The following ASPHD2 variants were observed in gnomAD, a reference collection of about 807,000 sequenced individuals.
ASPHD2 encodes aspartate beta-hydroxylase domain-containing protein 2.
Under a neutral mutation model 34.6 loss-of-function variants are expected in ASPHD2, and 12 were observed. The observed-to-expected ratio is 0.35, with a 90% CI of 0.22 to 0.56. ASPHD2 has a LOEUF of 0.56. ASPHD2 is among the 20% of genes least tolerant of loss of function. ASPHD2 has a pLI of 0.87. For missense variants in ASPHD2, 375 were observed against 505.0 expected (o/e 0.74, Z 2.47); for synonymous variants, 224 against 212.2 (o/e 1.06, Z -0.48).
At chr22:26,435,794 T>G (rs2084788995) in intron 2 of ASPHD2, among the ~76,000 whole-genome samples, 1 of 151,754 alleles carries the variant, frequency 6.6e-6, no homozygotes, top group African/African-American at 2.4e-5. Context: ...ATTGACATGG[T>G]AGGAATTTCA....
rs1278800756 is a variant in ASPHD2 at position 26,433,194 on chromosome 22, T to C, written c.-224-198T>C. Among the ~76,000 whole-genome samples, 1 of 152,160 alleles carries C rather than the reference T, an allele frequency of 6.6e-6. No homozygotes were observed. The highest frequency in any genetic ancestry group is 1.9e-4 in the East Asian group (1 of 5,188). ...AAAGCAGATGGGACCACTGTAATTA[T>C]AAGCAGTACCTGATGCAGATGAAAT... On this transcript the variant is annotated intron_variant, in intron 1 of 3. Coordinates refer to ENST00000215906, the MANE Select transcript of ASPHD2 (RefSeq NM_020437.5). The surrounding 1 kb of genome is among the most constrained non-coding windows in gnomAD (Gnocchi z 5.1).
At chr22:26,432,219 A>G (rs1023706029) in intron 1 of ASPHD2, among the ~76,000 whole-genome samples, 1 of 152,236 alleles carries the variant, frequency 6.6e-6, no homozygotes, top group African/African-American at 2.4e-5. Flanking sequence ...CAGGCTTAGG[A>G]AAAGCGATCT....
rs2084872445 is a variant in ASPHD2 at position 26,443,421 on chromosome 22, T to C, written c.*215T>C. On this transcript the variant is annotated 3_prime_UTR_variant, in exon 4 of 4. Transcript: ENST00000215906. ...TTGTATTTCCTTAGATTTTTTTTTT[T>C]TCCTTCCAATCATTTGCTTCAGAGA... The C allele has an allele frequency of 2.0e-6, 1 of 509,082 alleles. No homozygotes were observed. The highest frequency in any genetic ancestry group is 3.6e-5 in the Admixed American group (1 of 27,782). The allele number at this position is 509,082 out of a possible 1,614,324, so 31.5% of individuals were successfully genotyped here.
intron 3 of ASPHD2, 83 bp from the exon 4 acceptor site, chr22:26,443,014 C>T (rs1004203577): frequency 3.0e-5 from 30 of 995,150 alleles, no homozygotes; most frequent in East Asian, 7.2e-5. Flanking sequence ...AAGCTGAGCA[C>T]GTAGGGTCCA....
chr22:26,438,496 CACATACATATATAT>C (rs1203622411), intron 2 of ASPHD2, among the ~76,000 whole-genome samples: 2,902 of 88,004 alleles, frequency 0.033, 138 homozygotes, highest in Admixed American at 0.069. Flanking sequence ...TATAGATACA[CACATACATATATAT>C]ACATACATAT....
intron 2 of ASPHD2, among the ~76,000 whole-genome samples, chr22:26,440,634 C>A (rs1439721225): frequency 6.6e-6 from 1 of 152,140 alleles, no homozygotes; most frequent in East Asian, 1.9e-4. Context: ...CTGTGCCCAG[C>A]CAAGCATACG....
At chr22:26,430,529 A>G (rs1478946222) in intron 1 of ASPHD2, among the ~76,000 whole-genome samples, 1 of 152,212 alleles carries the variant, frequency 6.6e-6, no homozygotes, top group East Asian at 1.9e-4. Context: ...GCTGGAAGCT[A>G]CTGTGGTCAC....
chr22:26,437,246 C>T (rs990302453), intron 2 of ASPHD2, among the ~76,000 whole-genome samples: 1 of 152,240 alleles, frequency 6.6e-6, no homozygotes, highest in African/African-American at 2.4e-5. Flanking sequence ...AAGGTAGAGG[C>T]ACCTGCAGTT....
chr22:26,432,895 A>C (rs2146126864), intron 1 of ASPHD2, among the ~76,000 whole-genome samples: 1 of 152,354 alleles, frequency 6.6e-6, no homozygotes, highest in South Asian at 2.1e-4. Context: ...AGTGAAATGG[A>C]GAATATGCAG....
chr22:26,444,364 C>G lies in ASPHD2; in HGVS notation c.*1158C>G, dbSNP rs935556809. Reference sequence around the variant, plus strand: ...TGACAATGACCCAAGCCAGTGTGTGCTAGTGAGGAGACAGAGAAGACCTAC... The same window carrying G: ...TGACAATGACCCAAGCCAGTGTGTGGTAGTGAGGAGACAGAGAAGACCTAC... On this transcript the variant is annotated 3_prime_UTR_variant, in exon 4 of 4. Transcript: ENST00000215906. 1.8e-4 allele frequency: 28 copies of G among 152,102 alleles called. No homozygotes were observed. Among genetic ancestry groups the G allele is most frequent in the African/African-American group, 6.3e-4 (26 of 41,402 alleles). The allele number at this position is 152,102 out of a possible 1,614,324, so 9.4% of individuals were successfully genotyped here. A position where few individuals can be genotyped will look rare whatever the true frequency, so the allele number is the denominator to read the frequency against.
chr22:26,433,677 G>C lies in ASPHD2; in HGVS notation c.62G>C (p.Ser21Thr). ...TDCLTLLHTP[S>T]KDSPKMSLEW... The stretch of plus-strand genomic sequence containing the variant: ...TGTCTGACCTTGCTTCACACGCCCA[G>C]TAAGGACTCCCCCAAGATGTCGCTC... Residue 21 changes from serine to threonine, a missense_variant, in exon 2 of 4, where the codon AGT (serine) becomes ACT (threonine). Physicochemically the swap from Ser to Thr is moderately conservative, Grantham distance 58. Transcript: ENST00000215906. This position sits in a 1 kb window ranked among gnomAD's most constrained non-coding sequence, Gnocchi z 5.1. 1.9e-6 allele frequency: 3 copies of C among 1,614,154 alleles called. No homozygotes were observed. The highest frequency in any genetic ancestry group is 2.2e-5 in the South Asian group (2 of 91,086).
chr22:26,440,153 C>T (rs898305487), intron 2 of ASPHD2, among the ~76,000 whole-genome samples: 1 of 152,162 alleles, frequency 6.6e-6, no homozygotes, highest in Non-Finnish European at 1.5e-5. Context: ...TAGATGGCCA[C>T]GGTGGCCCCT....
chr22:26,439,377 C>T (rs5997089), intron 2 of ASPHD2, among the ~76,000 whole-genome samples: 11,868 of 152,052 alleles, frequency 0.078, 524 homozygotes, highest in Middle Eastern at 0.14. Context: ...CCAGCCTGGG[C>T]GACAGAGCAC....
intron 1 of ASPHD2, among the ~76,000 whole-genome samples, chr22:26,430,704 T>G (rs2084751343): frequency 6.6e-6 from 1 of 152,342 alleles, no homozygotes; most frequent in African/African-American, 2.4e-5. Context: ...GCTTTGAGCT[T>G]GTAAATCCAC....
intron 3 of ASPHD2, 130 bp from the exon 4 acceptor site, chr22:26,442,967 G>A (rs560146634): frequency 9.7e-6 from 7 of 718,660 alleles, no homozygotes; most frequent in East Asian, 4.9e-5. Context: ...GAGGTGGTCC[G>A]ATCCGAGCCG....
In ASPHD2 at chr22:26,433,913, G is replaced by A. The variant is rs1243660654; in HGVS notation, c.298G>A (p.Gly100Arg). ...CCTCATGCAGGCTGCCGATGCCAACGGGCTGCAGAATGGCTACGTGTACTG... is the reference window on the plus strand; with the variant it reads ...CCTCATGCAGGCTGCCGATGCCAACAGGCTGCAGAATGGCTACGTGTACTG... ...NSLMQAADAN[G>R]LQNGYVYCQS... Residue 100 changes from glycine to arginine, a missense_variant, in exon 2 of 4, where the codon GGG (glycine) becomes AGG (arginine). Physicochemically the swap from Gly to Arg is moderately radical, Grantham distance 125. Coordinates refer to ENST00000215906, the MANE Select transcript of ASPHD2 (RefSeq NM_020437.5). This position sits in a 1 kb window ranked among gnomAD's most constrained non-coding sequence, Gnocchi z 5.1. 5 of 1,613,600 alleles carry A rather than the reference G, an allele frequency of 3.1e-6. No homozygotes were observed. The highest frequency in any genetic ancestry group is 4.5e-5 in the East Asian group (2 of 44,878).
chr22:26,441,392 C>A (rs944297629), intron 2 of ASPHD2, among the ~76,000 whole-genome samples: 12 of 149,560 alleles, frequency 8.0e-5, no homozygotes, highest in African/African-American at 2.5e-4. Context: ...GCTGGAGCAT[C>A]TCTAGAGCCT....
At chr22:26,442,171 G>C (rs1421736778) in intron 2 of ASPHD2, among the ~76,000 whole-genome samples, 1 of 140,668 alleles carries the variant, frequency 7.1e-6, no homozygotes, top group Admixed American at 7.0e-5. Context: ...GCTCCCTTGG[G>C]CCTGTTTTAT....
At chr22:26,436,842 A>G (rs938184404) in intron 2 of ASPHD2, among the ~76,000 whole-genome samples, 15 of 148,784 alleles carry the variant, frequency 1.0e-4, no homozygotes, top group Non-Finnish European at 1.5e-4. Flanking sequence ...ATATGCATGC[A>G]TGTGTGTGTG....
Sources: gnomAD v4.1 joint callset for allele counts (sites outside exome capture counted in the v4.1 genomes callset) on GRCh38, gnomAD v4.1.1 for gene constraint, Gnocchi (gnomAD v3.1) non-coding constraint, MANE v1.5 for transcripts, NCBI Gene and HGNC (gene_info 2026-07-23, HGNC 2026-07-21) for gene names.